Variants in MYT1L observed in about 807,000 individuals in gnomAD.
MYT1L encodes myelin transcription factor 1 like.
Under a neutral mutation model 126.7 loss-of-function variants are expected in MYT1L, and 12 were observed. The ratio of observed to expected loss-of-function variants is 0.09; its 90% CI spans 0.06 to 0.15. The LOEUF (loss-of-function observed/expected upper bound fraction) is 0.15, where lower values mean the gene tolerates loss of function less well. MYT1L is among the 10% of genes least tolerant of loss of function. The pLI, the probability that MYT1L is intolerant of heterozygous loss-of-function variation, is 1.00. For synonymous variants in MYT1L, 541 were observed against 604.2 expected (o/e 0.90, Z 1.53); for missense variants, 979 against 1,585.2 (o/e 0.62, Z 6.49).
intron 5 of MYT1L, among the ~76,000 whole-genome samples, chr2:1,995,265 G>A (rs149186643): frequency 2.6e-5 from 4 of 152,242 alleles, no homozygotes; most frequent in South Asian, 2.1e-4. Flanking sequence ...GGAAGAACCC[G>A]GAAAATGCAC....
intron 3 of MYT1L, among the ~76,000 whole-genome samples, chr2:2,114,523 T>A (rs1338611216): frequency 6.6e-6 from 1 of 152,244 alleles, no homozygotes; most frequent in Non-Finnish European, 1.5e-5. Context: ...CTTTCCTTCA[T>A]GATATTTGCC....
chr2:2,197,204 A>G (rs548683043), intron 2 of MYT1L, among the ~76,000 whole-genome samples: 15 of 152,254 alleles, frequency 9.9e-5, no homozygotes, highest in Middle Eastern at 3.4e-3. Flanking sequence ...TGTTTGTTTT[A>G]GAGGAAACAG....
At chr2:1,807,818 AAAC>A (rs1290906841) in intron 22 of MYT1L, among the ~76,000 whole-genome samples, 2 of 152,128 alleles carry the variant, frequency 1.3e-5, no homozygotes, top group Admixed American at 1.3e-4. Flanking sequence ...GATCAATAAA[AAAC>A]CCTGTTAATA....
chr2:2,086,375 A>G (rs994377215), intron 3 of MYT1L, among the ~76,000 whole-genome samples: 12 of 152,370 alleles, frequency 7.9e-5, no homozygotes, highest in African/African-American at 2.4e-4. Flanking sequence ...CATTATTTTT[A>G]ATACTATTCA....
At chr2:1,934,291 CATAT>C (rs71276815) in intron 9 of MYT1L, among the ~76,000 whole-genome samples, 1 of 123,522 alleles carries the variant, frequency 8.1e-6, no homozygotes, top group Admixed American at 7.8e-5. Context: ...ATTTTTATAA[CATAT>C]ATATATATAT....
intron 2 of MYT1L, among the ~76,000 whole-genome samples, chr2:2,227,162 C>T (rs1453529847): frequency 2.0e-5 from 3 of 152,134 alleles, no homozygotes; most frequent in African/African-American, 7.2e-5. Flanking sequence ...TTGGCTCTGA[C>T]CACAGAGTGT....
At position 2,165,874 on chromosome 2, in the gene MYT1L, T is replaced by A. The variant is rs61443929; in HGVS notation, c.-304+6998A>T. 6.6e-3 allele frequency among the ~76,000 whole-genome samples: 583 copies of A among 87,892 alleles called. 12 individuals carry two copies. In the East Asian group the frequency reaches 0.073, roughly 11 times the overall value. The allele number at this position is 87,892 out of a possible 152,430, so 57.7% of individuals were successfully genotyped here. A position where few individuals can be genotyped will look rare whatever the true frequency, so the allele number is the denominator to read the frequency against. On this transcript the variant is annotated intron_variant, in intron 3 of 24. Coordinates refer to ENST00000647738, the MANE Select transcript of MYT1L (RefSeq NM_001303052.2). ...ATCTTTTATTTTTCTACTTTGTAAATAATAAAATCTTTTATTTTTCTACTT... is the reference window on the plus strand; with the variant it reads ...ATCTTTTATTTTTCTACTTTGTAAAAAATAAAATCTTTTATTTTTCTACTT...
intron 3 of MYT1L, among the ~76,000 whole-genome samples, chr2:2,118,722 G>C (rs1433412326): frequency 6.6e-6 from 1 of 151,996 alleles, no homozygotes; most frequent in Non-Finnish European, 1.5e-5. Flanking sequence ...AGTGAAACTT[G>C]AATTATTATG....
chr2:2,269,392 C>T (rs1022940468), intron 2 of MYT1L, among the ~76,000 whole-genome samples: 3 of 152,206 alleles, frequency 2.0e-5, no homozygotes, highest in Non-Finnish European at 1.5e-5. Flanking sequence ...AATAGCATCT[C>T]TCAGTGTCTT....
chr2:2,137,294 T>C (rs369171714), intron 3 of MYT1L, among the ~76,000 whole-genome samples: 11 of 152,236 alleles, frequency 7.2e-5, no homozygotes, highest in East Asian at 5.8e-4. Flanking sequence ...AATGCCATCC[T>C]CATCAAGCTA....
intron 1 of MYT1L, among the ~76,000 whole-genome samples, chr2:2,301,233 A>G (rs2095779749): frequency 6.6e-6 from 1 of 151,958 alleles, no homozygotes; most frequent in Non-Finnish European, 1.5e-5. Context: ...TTTGTTTCCA[A>G]GACTCTCCCT....
chr2:1,967,291 T>C (rs952131170), intron 8 of MYT1L, among the ~76,000 whole-genome samples: 3 of 152,212 alleles, frequency 2.0e-5, no homozygotes, highest in Non-Finnish European at 4.4e-5. Flanking sequence ...AAAAGCCCCA[T>C]GGTTGGTGCC....
At chr2:1,808,433 C>A (rs2036064135) in intron 22 of MYT1L, among the ~76,000 whole-genome samples, 1 of 152,200 alleles carries the variant, frequency 6.6e-6, no homozygotes, top group African/African-American at 2.4e-5. Flanking sequence ...TTGCCTGCGT[C>A]TACAAATTAA....
chr2:1,859,649 C>A (rs1200278558), intron 18 of MYT1L, among the ~76,000 whole-genome samples: 1 of 152,356 alleles, frequency 6.6e-6, no homozygotes, highest in East Asian at 1.9e-4. Context: ...GGATGACATG[C>A]AGATGGTATC....
At chr2:1,818,324 GCTGT>G (rs1425015197) in intron 21 of MYT1L, among the ~76,000 whole-genome samples, 1 of 152,196 alleles carries the variant, frequency 6.6e-6, no homozygotes, top group African/African-American at 2.4e-5. Context: ...CCAGCCAGGT[GCTGT>G]CTGCGATTCA....
At chr2:2,319,736 A>G (rs976074299) in intron 1 of MYT1L, among the ~76,000 whole-genome samples, 2 of 151,166 alleles carry the variant, frequency 1.3e-5, no homozygotes, top group African/African-American at 4.9e-5. Flanking sequence ...AGTATTTATG[A>G]TTACCCTTTA....
intron 3 of MYT1L, among the ~76,000 whole-genome samples, chr2:2,100,832 C>T (rs1288235876): frequency 1.3e-5 from 2 of 152,172 alleles, no homozygotes; most frequent in Admixed American, 6.5e-5. Flanking sequence ...AACAGACATC[C>T]TTCTATCTCC....
intron 3 of MYT1L, among the ~76,000 whole-genome samples, chr2:2,130,323 C>T (rs1346800018): frequency 1.3e-5 from 2 of 151,894 alleles, no homozygotes; most frequent in African/African-American, 4.8e-5. Flanking sequence ...ATCACATCCA[C>T]CGCTGGTGGT....
Position 1,793,906 on chromosome 2 carries a change from G to A in MYT1L, c.3277-1442C>T, listed in dbSNP as rs866180745. 1.2e-4 allele frequency among the ~76,000 whole-genome samples: 18 copies of A among 152,190 alleles called. No homozygotes were observed. The highest frequency in any genetic ancestry group is 4.1e-4 in the African/African-American group (17 of 41,462). On this transcript the variant is annotated intron_variant, in intron 23 of 24. Coordinates refer to ENST00000647738, the MANE Select transcript of MYT1L (RefSeq NM_001303052.2). The surrounding 1 kb of genome is among the most constrained non-coding windows in gnomAD (Gnocchi z 4.6). Reference sequence around the variant, plus strand: ...CTGGGTGGGCCTCGAAGGGCTGCGTGCCCGGTGCTTGTCTTCCAGAGCGTT... The same window carrying A: ...CTGGGTGGGCCTCGAAGGGCTGCGTACCCGGTGCTTGTCTTCCAGAGCGTT...
Sources: allele counts gnomAD v4.1 joint callset (sites outside exome capture counted in the v4.1 genomes callset), GRCh38; gene constraint gnomAD v4.1.1; non-coding constraint Gnocchi (gnomAD v3.1); transcripts MANE v1.5; gene names NCBI Gene and HGNC (gene_info 2026-07-23, HGNC 2026-07-21).